The following PCDH15 variants were observed in gnomAD, a reference collection of about 807,000 sequenced individuals.
PCDH15 encodes protocadherin-15.
In PCDH15, 129 loss-of-function variants were observed where a neutral mutation model predicts 178.5. That is an observed-to-expected ratio of 0.72 (90% CI 0.63 to 0.84). The LOEUF is 0.84. Ranked by LOEUF, PCDH15 falls within the 40% of genes least tolerant of loss-of-function variation. PCDH15 has a pLI of 0.00. For missense variants in PCDH15, 2,230 were observed against 2,099.9 expected (o/e 1.06, Z -1.21); for synonymous variants, 800 against 732.0 (o/e 1.09, Z -1.50).
At chr10:54,174,117 A>C (rs2047180982) in intron 13 of PCDH15, among the ~76,000 whole-genome samples, 1 of 152,232 alleles carries the variant, frequency 6.6e-6, no homozygotes, top group Non-Finnish European at 1.5e-5. Context: ...TAATTATTTG[A>C]GTGATTTCAA....
intron 2 of PCDH15, among the ~76,000 whole-genome samples, chr10:54,938,123 A>C (rs1837951995): frequency 6.6e-6 from 1 of 151,986 alleles, no homozygotes; most frequent in Non-Finnish European, 1.5e-5. Flanking sequence ...TTCTTTATTC[A>C]GTTGTTAAAC....
At position 54,658,511 on chromosome 10, in the gene PCDH15, G is replaced by A. The variant is rs186834643; in HGVS notation, c.91+5661C>T. ...AAAGAAAATAATTTTATAATAAATG[G>A]CATCCAAAATTTTTATAACCTACTA... On this transcript the variant is annotated intron_variant, in intron 2 of 37. Coordinates refer to ENST00000644397, the MANE Select transcript of PCDH15 (RefSeq NM_001384140.1). Among the ~76,000 whole-genome samples the A allele has an allele frequency of 5.6e-3, 857 of 152,058 alleles. 6 individuals are homozygous for A. Among genetic ancestry groups the A allele is most frequent in the Non-Finnish European group, 6.2e-3 (419 of 67,956 alleles).
Position 55,160,088 on chromosome 10 carries a change from C to G in PCDH15, c.-80+6488G>C, listed in dbSNP as rs186233956. The stretch of plus-strand genomic sequence containing the variant: ...CCAAATAATTGTTGTCTCTGTTTCG[C>G]TACCAGTGAGAAGCGGCCCTGTGAT... On this transcript the variant is annotated intron_variant, in intron 2 of 5. Coordinates refer to the PCDH15 transcript ENST00000458638. Among the ~76,000 whole-genome samples the G allele has an allele frequency of 3.3e-5, 5 of 152,134 alleles. No individual in the cohort carries two copies. The East Asian group carries it at 9.7e-4, about 29-fold the overall frequency.
At chr10:55,612,473 C>T (rs375778207) in intron 2 of PCDH15, among the ~76,000 whole-genome samples, 2 of 152,120 alleles carry the variant, frequency 1.3e-5, no homozygotes, top group East Asian at 1.9e-4. Flanking sequence ...GCTGCATATA[C>T]TCATATTTTT....
intron 1 of PCDH15, among the ~76,000 whole-genome samples, chr10:55,310,715 T>A (rs1843565057): frequency 1.3e-5 from 2 of 152,182 alleles, no homozygotes; most frequent in African/African-American, 4.8e-5. Context: ...GTTCATCATA[T>A]CCTTTTCAGG....
At chr10:54,924,597 T>TC (rs1837569736) in intron 2 of PCDH15, among the ~76,000 whole-genome samples, 1 of 96,024 alleles carries the variant, frequency 1.0e-5, no homozygotes, top group Non-Finnish European at 2.8e-5. Flanking sequence ...ACAACCTCAT[T>TC]AGCATCTGTT....
At chr10:55,607,449 G>T (rs1403165646) in intron 2 of PCDH15, among the ~76,000 whole-genome samples, 17 of 120,544 alleles carry the variant, frequency 1.4e-4, no homozygotes, top group Non-Finnish European at 1.7e-4. Flanking sequence ...ACATGCACAC[G>T]TATGTTTATT....
chr10:55,399,217 A>C (rs1348894595), intron 2 of PCDH15, among the ~76,000 whole-genome samples: 1 of 152,176 alleles, frequency 6.6e-6, no homozygotes, highest in African/African-American at 2.4e-5. Context: ...TCTTTACTTA[A>C]TAGTAAATTC....
intron 1 of PCDH15, among the ~76,000 whole-genome samples, chr10:54,762,310 G>A (rs1488663834): frequency 3.3e-5 from 5 of 151,864 alleles, no homozygotes; most frequent in East Asian, 1.9e-4. Flanking sequence ...AGAACATGTC[G>A]TACTTAAAAA....
chr10:54,326,639 C>G (rs1399285217), intron 7 of PCDH15, among the ~76,000 whole-genome samples: 1 of 152,106 alleles, frequency 6.6e-6, no homozygotes, highest in African/African-American at 2.4e-5. Context: ...CCCCAAATCA[C>G]ACAGCCAGTA....
At chr10:54,376,264 A>T (rs1386829567) in intron 4 of PCDH15, among the ~76,000 whole-genome samples, 2 of 151,910 alleles carry the variant, frequency 1.3e-5, no homozygotes, top group Non-Finnish European at 2.9e-5. Flanking sequence ...CAATCAAAAG[A>T]ATTACATTTT....
chr10:55,572,299 T>C (rs1359030819), intron 2 of PCDH15, among the ~76,000 whole-genome samples: 1 of 149,620 alleles, frequency 6.7e-6, no homozygotes, highest in Non-Finnish European at 1.5e-5. Context: ...TATTAGAGTA[T>C]ATAAAGTATA....
chr10:55,425,681 C>G (rs934081711), intron 2 of PCDH15, among the ~76,000 whole-genome samples: 2 of 150,496 alleles, frequency 1.3e-5, no homozygotes, highest in African/African-American at 4.9e-5. Context: ...CAAAAAAAAA[C>G]AGTGTTACTC....
chr10:53,986,012 T>C (rs1490220913), intron 21 of PCDH15, among the ~76,000 whole-genome samples: 1 of 152,196 alleles, frequency 6.6e-6, no homozygotes, highest in African/African-American at 2.4e-5. Flanking sequence ...TTAGAACACA[T>C]GAAATATATT....
At chr10:55,349,338 C>CA (rs1844848145) in intron 2 of PCDH15, among the ~76,000 whole-genome samples, 1 of 152,112 alleles carries the variant, frequency 6.6e-6, no homozygotes, top group Non-Finnish European at 1.5e-5. Flanking sequence ...CAATCATGAA[C>CA]AGGCTCAAGA....
chr10:54,511,132 A>G (rs2081613407), intron 3 of PCDH15, among the ~76,000 whole-genome samples: 1 of 152,196 alleles, frequency 6.6e-6, no homozygotes. Context: ...GGTAAACTTT[A>G]GTGAAACCAT....
chr10:54,521,766 C>G (rs2138233207), intron 3 of PCDH15, among the ~76,000 whole-genome samples: 1 of 152,222 alleles, frequency 6.6e-6, no homozygotes, highest in East Asian at 1.9e-4. Flanking sequence ...AATGCATTTT[C>G]TGATTTTTTC....
At chr10:55,115,474 G>T (rs996461533) in intron 2 of PCDH15, among the ~76,000 whole-genome samples, 1 of 152,192 alleles carries the variant, frequency 6.6e-6, no homozygotes, top group Non-Finnish European at 1.5e-5. Flanking sequence ...ACTGTATTGT[G>T]ACTGTGTCTT....
chr10:54,530,979 T>C (rs1185074059), intron 2 of PCDH15, among the ~76,000 whole-genome samples: 1 of 152,194 alleles, frequency 6.6e-6, no homozygotes, highest in Non-Finnish European at 1.5e-5. Context: ...TATTTAGAAT[T>C]GTCTTGGAAA....
Sources: allele counts gnomAD v4.1 joint callset (sites outside exome capture counted in the v4.1 genomes callset), GRCh38; gene constraint gnomAD v4.1.1; transcripts MANE v1.5; gene names NCBI Gene and HGNC (gene_info 2026-07-23, HGNC 2026-07-21).